Variants in SAV1 observed in about 807,000 individuals in gnomAD.
SAV1 encodes the protein salvador family WW domain containing protein 1, also known as protein salvador homolog 1.
SAV1 carries 23 observed loss-of-function variants against 47.3 expected under a neutral mutation model. The ratio of observed to expected loss-of-function variants is 0.49; its 90% CI spans 0.35 to 0.69. SAV1 has a LOEUF of 0.69. SAV1 is among the 30% of genes least tolerant of loss of function. The pLI, the probability that SAV1 is intolerant of heterozygous loss-of-function variation, is 0.01. For missense variants in SAV1, 448 were observed against 457.4 expected (o/e 0.98, Z 0.19); for synonymous variants, 155 against 159.2 (o/e 0.97, Z 0.20).
In SAV1 at chr14:50,667,953, C is replaced by A; in HGVS notation, c.15G>T (p.Lys5Asn). MLSR[K>N]KTKNEVSKPA... The stretch of plus-strand genomic sequence containing the variant: ...GCTTGGACACTTCGTTTTTGGTTTT[C>A]TTTCGGGACAGCATCCTTCTCGACG... The change falls in exon 1 of 5, where the codon AAG (lysine) becomes AAT (asparagine). Residue 5 changes from lysine (K) to asparagine (N), a missense_variant. Lys to Asn is a moderately conservative substitution (Grantham distance 94). Transcript: ENST00000324679. 1.2e-6 allele frequency: 2 copies of A among 1,611,556 alleles called. No individual in the cohort carries two copies. Among genetic ancestry groups the A allele is most frequent in the Middle Eastern group, 2.0e-4 (1 of 5,022 alleles).
chr14:50,656,998 G>C (rs2039818214), intron 2 of SAV1, among the ~76,000 whole-genome samples: 1 of 148,564 alleles, frequency 6.7e-6, no homozygotes, highest in Non-Finnish European at 1.5e-5. Context: ...AAGTATGTGG[G>C]AAAAGCACAG....
chr14:50,655,513 C>A (rs1039981893), intron 2 of SAV1, among the ~76,000 whole-genome samples: 1 of 151,730 alleles, frequency 6.6e-6, no homozygotes, highest in Non-Finnish European at 1.5e-5. Context: ...GCAACCTCCA[C>A]CTCTCAGGTT....
chr14:50,647,762 G>A (rs977282510), intron 2 of SAV1, among the ~76,000 whole-genome samples: 2 of 152,040 alleles, frequency 1.3e-5, no homozygotes, highest in African/African-American at 4.8e-5. Flanking sequence ...CTATGAAAAT[G>A]GCCAAAAAAC....
chr14:50,643,302 T>C (rs945130987), intron 3 of SAV1, among the ~76,000 whole-genome samples: 5 of 152,186 alleles, frequency 3.3e-5, no homozygotes, highest in Middle Eastern at 3.2e-3. Context: ...GGGTAATTTA[T>C]AAAGAAAAGA....
At chr14:50,666,545 G>A (rs2039902535) in intron 1 of SAV1, among the ~76,000 whole-genome samples, 1 of 152,124 alleles carries the variant, frequency 6.6e-6, no homozygotes, top group African/African-American at 2.4e-5. Context: ...CTCAACACTT[G>A]ATGTAACGAC....
intron 4 of SAV1, among the ~76,000 whole-genome samples, chr14:50,636,223 G>T (rs892400536): frequency 6.6e-6 from 1 of 152,152 alleles, no homozygotes; most frequent in Admixed American, 6.6e-5. Context: ...AGGAACTTAA[G>T]AATACTTTAG....
intron 2 of SAV1, among the ~76,000 whole-genome samples, chr14:50,657,578 C>T (rs182274875): frequency 2.6e-5 from 4 of 152,182 alleles, no homozygotes; most frequent in Non-Finnish European, 4.4e-5. Context: ...ATATGACTAC[C>T]ACTAGTAAAA....
Position 50,635,402 on chromosome 14 carries a change from C to CAT in SAV1, c.951-20_951-19dup, listed in dbSNP as rs1375659283. 7 of 1,596,068 alleles carry CAT rather than the reference C, an allele frequency of 4.4e-6. No homozygotes were observed. The highest frequency in any genetic ancestry group is 6.0e-6 in the Non-Finnish European group (7 of 1,163,964). ...GGTCATATCTGTTTTAAAACACAATCATATATATGTTCACAACACATACAT... is the reference window on the plus strand; with the variant it reads ...GGTCATATCTGTTTTAAAACACAATCATATATATATGTTCACAACACATACAT... On this transcript the variant is annotated intron_variant, in intron 4 of 4. Transcript: ENST00000324679.
intron 1 of SAV1, 38 bp downstream of exon 1, chr14:50,667,836 C>T (rs1194274196): frequency 6.4e-7 from 1 of 1,574,176 alleles, no homozygotes; most frequent in Non-Finnish European, 8.7e-7. Context: ...CACCTGGCCG[C>T]CTGGGCCAGG....
intron 4 of SAV1, among the ~76,000 whole-genome samples, chr14:50,638,608 A>G: frequency 6.6e-6 from 1 of 152,102 alleles, no homozygotes; most frequent in Non-Finnish European, 1.5e-5. Flanking sequence ...CTGTATCCAG[A>G]GCAGGGTCAA....
intron 2 of SAV1, among the ~76,000 whole-genome samples, chr14:50,645,237 T>C (rs1227084912): frequency 6.6e-6 from 1 of 152,168 alleles, no homozygotes; most frequent in Non-Finnish European, 1.5e-5. Flanking sequence ...GAGGGTTTTT[T>C]GGCTGATGCT....
intron 2 of SAV1, among the ~76,000 whole-genome samples, chr14:50,645,380 G>C (rs2140251972): frequency 6.6e-6 from 1 of 152,130 alleles, no homozygotes; most frequent in Middle Eastern, 3.4e-3. Flanking sequence ...TTCCACACCT[G>C]ACCTTATGTG....
intron 2 of SAV1, among the ~76,000 whole-genome samples, chr14:50,654,299 G>C (rs2039794225): frequency 6.6e-6 from 1 of 152,098 alleles, no homozygotes; most frequent in African/African-American, 2.4e-5. Context: ...TAAATCATTA[G>C]TCATTTCAAC....
At chr14:50,649,840 A>G (rs2039752682) in intron 2 of SAV1, among the ~76,000 whole-genome samples, 2 of 152,248 alleles carry the variant, frequency 1.3e-5, no homozygotes, top group Non-Finnish European at 2.9e-5. Context: ...CCTAACTGCC[A>G]AATTTAGAAT....
chr14:50,639,150 A>G (rs893890430), intron 4 of SAV1, among the ~76,000 whole-genome samples: 1 of 152,246 alleles, frequency 6.6e-6, no homozygotes, highest in Non-Finnish European at 1.5e-5. Flanking sequence ...ACACAGGAAC[A>G]TAACTTTACA....
At chr14:50,665,969 AATAAT>A (rs1331739350) in intron 1 of SAV1, among the ~76,000 whole-genome samples, 1 of 152,234 alleles carries the variant, frequency 6.6e-6, no homozygotes, top group Non-Finnish European at 1.5e-5. Context: ...AAAAATAGGA[AATAAT>A]ATAACAAATT....
intron 2 of SAV1, among the ~76,000 whole-genome samples, chr14:50,647,538 G>T (rs942854640): frequency 6.6e-6 from 1 of 151,582 alleles, no homozygotes; most frequent in African/African-American, 2.4e-5. Flanking sequence ...CGGCACTCCG[G>T]TCTGTGCAAC....
chr14:50,664,311 T>C (rs2140266140), intron 2 of SAV1: 1 of 152,332 alleles, frequency 6.6e-6, no homozygotes. Context: ...CTCCAAACCA[T>C]TTTTAAGTCG....
At chr14:50,661,146 A>G (rs1228153680) in intron 2 of SAV1, among the ~76,000 whole-genome samples, 1 of 152,226 alleles carries the variant, frequency 6.6e-6, no homozygotes, top group East Asian at 1.9e-4. Flanking sequence ...CTTTTTAACA[A>G]TAGCCATTCT....
Sources: gnomAD v4.1 joint callset for allele counts (sites outside exome capture counted in the v4.1 genomes callset) on GRCh38, gnomAD v4.1.1 for gene constraint, MANE v1.5 for transcripts, NCBI Gene and HGNC (gene_info 2026-07-23, HGNC 2026-07-21) for gene names.